SMARCA4: variants seen among roughly 807,000 people sequenced by gnomAD.
The protein encoded by SMARCA4 is SWI/SNF-related matrix-associated actin-dependent regulator of chromatin subfamily A member 4.
Under a neutral mutation model 193.9 loss-of-function variants are expected in SMARCA4, and 31 were observed. The observed-to-expected ratio is 0.16, with a 90% confidence interval of 0.12 to 0.22. The LOEUF (loss-of-function observed/expected upper bound fraction) is 0.22. SMARCA4 is among the 10% of genes least tolerant of loss of function. SMARCA4 has a pLI of 1.00. For missense variants in SMARCA4, 1,148 were observed against 2,296.0 expected (o/e 0.50, Z 10.22); for synonymous variants, 942 against 933.1 (o/e 1.01, Z -0.17).
intron 1 of SMARCA4, among the ~76,000 whole-genome samples, chr19:10,969,609 T>C (rs1334749304): frequency 6.6e-6 from 1 of 151,912 alleles, no homozygotes; most frequent in Non-Finnish European, 1.5e-5. Flanking sequence ...TTTGTATTTT[T>C]AGTAGAGACG....
chr19:11,041,429 C>T lies in SMARCA4; in HGVS notation c.4293C>T (p.Arg1431=), dbSNP rs149670457. Residue 1431 remains arginine (R), a synonymous_variant, in exon 30 of 35, where the codon CGC becomes CGT. Coordinates refer to ENST00000344626, the MANE Select transcript of SMARCA4 (RefSeq NM_003072.5). This position sits in a 1 kb window ranked among gnomAD's most constrained non-coding sequence, Gnocchi z 5.6. ...CCCCGACCACCAGCACCCGCAGCCG[C>T]GACAAGGACGACGAGAGCAAGAAGC... ...SSTPTTSTRS[R]DKDDESKKQK... 540 of 1,612,454 alleles carry T rather than the reference C, an allele frequency of 3.3e-4. 2 individuals carry two copies. Among genetic ancestry groups the T allele is most frequent in the South Asian group, 1.8e-3 (166 of 91,080 alleles).
chr19:11,037,576 C>G (rs571826079), intron 29 of SMARCA4, among the ~76,000 whole-genome samples: 1 of 152,126 alleles, frequency 6.6e-6, no homozygotes, highest in African/African-American at 2.4e-5. Flanking sequence ...ATATTTTGTT[C>G]CATTCTGCAC....
chr19:10,976,098 G>A (rs1241853817), intron 1 of SMARCA4, among the ~76,000 whole-genome samples: 4 of 152,120 alleles, frequency 2.6e-5, no homozygotes, highest in South Asian at 2.1e-4. Flanking sequence ...GACTCTAAGC[G>A]GCACCGTGTA....
In SMARCA4 at chr19:11,033,370, C is replaced by T. The variant is rs564414398; in HGVS notation, c.3627C>T (p.Ser1209=). 4 of 1,613,338 alleles carry T rather than the reference C, an allele frequency of 2.5e-6. No individual in the cohort carries two copies. Among genetic ancestry groups the T allele is most frequent in the Admixed American group, 1.7e-5 (1 of 60,024 alleles). ...VRVLRLCTVN[S]VEEKILAAAK... ...TGCTCCGCCTCTGCACCGTCAACAG[C>T]GTGGAGGAGAAGATCCTAGCTGCAG... The change falls in exon 26 of 35, where the codon AGC becomes AGT. Residue 1209 remains serine, a synonymous_variant. Transcript: ENST00000344626. The surrounding 1 kb of genome is among the most constrained non-coding windows in gnomAD (Gnocchi z 9.8).
At chr19:11,036,329 C>A (rs1277291822) in intron 29 of SMARCA4, among the ~76,000 whole-genome samples, 4 of 152,200 alleles carry the variant, frequency 2.6e-5, no homozygotes, top group African/African-American at 9.7e-5. Context: ...TGCTGTGTTA[C>A]CCAGGCTGGC....
At position 11,034,889 on chromosome 19, in the gene SMARCA4, C is replaced by T. The variant is rs758811728; in HGVS notation, c.3952-25C>T. ...CCCTGGTGCCTGCATGCTGATGCCT[C>T]TCCCGTTGCCTCCCTGCCCACCAGC... On this transcript the variant is annotated intron_variant, in intron 28 of 34. Coordinates refer to ENST00000344626, the MANE Select transcript of SMARCA4 (RefSeq NM_003072.5). The surrounding 1 kb of genome is among the most constrained non-coding windows in gnomAD (Gnocchi z 7.0). The T allele has an allele frequency of 4.1e-5, 62 of 1,510,216 alleles. 1 individual carries two copies. The South Asian group carries it at 6.7e-4, about 16-fold the overall frequency. The allele number at this position is 1,510,216 out of a possible 1,614,324, so 93.6% of individuals were successfully genotyped here.
intron 34 of SMARCA4, chr19:11,060,637 G>C (rs2076811299): frequency 4.4e-6 from 1 of 225,450 alleles, no homozygotes; most frequent in Non-Finnish European, 9.0e-6. Context: ...GTGCAGTGGG[G>C]AGCCGGAGAA....
rs2075606466 is a variant in SMARCA4 at position 11,041,435 on chromosome 19, GGAC to G, written c.4305_4307del (p.Asp1435del). 1 of 1,612,608 alleles carries G rather than the reference GGAC, an allele frequency of 6.2e-7. No homozygotes were observed. Among genetic ancestry groups the G allele is most frequent in the Non-Finnish European group, 8.5e-7 (1 of 1,179,952 alleles). ...CCACCAGCACCCGCAGCCGCGACAA[GGAC>G]GACGAGAGCAAGAAGCAGAAGAAGC... On this transcript the variant is annotated inframe_deletion, in exon 30 of 35. Transcript: ENST00000344626. The surrounding 1 kb of genome is among the most constrained non-coding windows in gnomAD (Gnocchi z 5.6).
rs556408059 is a variant in SMARCA4 at position 10,998,110 on chromosome 19, C to T, written c.1812+1566C>T. On this transcript the variant is annotated intron_variant, in intron 11 of 34. Transcript: ENST00000344626. The stretch of plus-strand genomic sequence containing the variant: ...TCATGTTGCCCAGGCTGGTCTTGAA[C>T]TCCTGGGCTCAAGTGATCCTCCCAC... 1.2e-4 allele frequency among the ~76,000 whole-genome samples: 18 copies of T among 152,086 alleles called. No homozygotes were observed. In the South Asian group the frequency reaches 2.7e-3, roughly 23 times the overall value.
chr19:10,999,869 A>G (rs1555766406), intron 11 of SMARCA4, among the ~76,000 whole-genome samples: 1 of 152,194 alleles, frequency 6.6e-6, no homozygotes, highest in African/African-American at 2.4e-5. Flanking sequence ...GAAGTCTCCT[A>G]GTTAGAGTTC....
chr19:11,044,076 A>G (rs1476157818), intron 30 of SMARCA4, among the ~76,000 whole-genome samples: 2 of 152,178 alleles, frequency 1.3e-5, no homozygotes, highest in African/African-American at 4.8e-5. Context: ...TTGTGAGGGA[A>G]ACTTAACATT....
At chr19:10,977,019 T>C (rs1387854023) in intron 1 of SMARCA4, among the ~76,000 whole-genome samples, 4 of 151,556 alleles carry the variant, frequency 2.6e-5, no homozygotes, top group African/African-American at 9.7e-5. Flanking sequence ...GTCGCACCAC[T>C]GCGCTAAGCC....
At chr19:10,998,315 C>T (rs12460598) in intron 11 of SMARCA4, among the ~76,000 whole-genome samples, 1 of 152,114 alleles carries the variant, frequency 6.6e-6, no homozygotes, top group Non-Finnish European at 1.5e-5. Context: ...GGTGTCATAT[C>T]GAGAGTGCAT....
In SMARCA4 at chr19:11,034,101, C is replaced by G. The variant is rs1428024238; in HGVS notation, c.3874-22C>G. On this transcript the variant is annotated intron_variant, in intron 27 of 34. Transcript: ENST00000344626. This position sits in a 1 kb window ranked among gnomAD's most constrained non-coding sequence, Gnocchi z 7.0. ...CCACCCCGGCCCCTCCTCAGCGGCA[C>G]TGACAGTTTGCAATCTTATAGGAGG... 6.2e-7 allele frequency: 1 copy of G among 1,604,614 alleles called. No individual in the cohort carries two copies. Among genetic ancestry groups the G allele is most frequent in the Non-Finnish European group, 8.5e-7 (1 of 1,172,066 alleles).
rs150983059 is a variant in SMARCA4, at chr19:11,056,567, G to T, written c.4425-1688G>T. Among the ~76,000 whole-genome samples the T allele has an allele frequency of 2.1e-4, 32 of 152,260 alleles. No homozygotes were observed. In the East Asian group the frequency reaches 6.0e-3, roughly 28 times the overall value. ...CCCACCTCAATTTCCTCCTCAGCAC[G>T]GCTGGCCTGGCACTGGTGCCTGCTT... On this transcript the variant is annotated intron_variant, in intron 30 of 34. Coordinates refer to ENST00000344626, the MANE Select transcript of SMARCA4 (RefSeq NM_003072.5).
At chr19:10,979,073 G>T (rs1489950435) in intron 1 of SMARCA4, among the ~76,000 whole-genome samples, 3 of 152,180 alleles carry the variant, frequency 2.0e-5, no homozygotes, top group Non-Finnish European at 4.4e-5. Flanking sequence ...ATTGGACATT[G>T]GCAACATTGT....
At chr19:11,036,136 TGACA>T (rs1394992919) in intron 29 of SMARCA4, among the ~76,000 whole-genome samples, 2 of 152,098 alleles carry the variant, frequency 1.3e-5, no homozygotes, top group African/African-American at 4.8e-5. Context: ...GGAGCCCAGG[TGACA>T]GACAGGCCAT....
intron 1 of SMARCA4, among the ~76,000 whole-genome samples, chr19:10,978,108 C>T (rs1408593963): frequency 2.0e-5 from 3 of 152,212 alleles, no homozygotes; most frequent in East Asian, 1.9e-4. Flanking sequence ...GCTAGATCTT[C>T]CTTCCTTGCC....
At chr19:10,978,381 G>A (rs2085304290) in intron 1 of SMARCA4, among the ~76,000 whole-genome samples, 3 of 152,196 alleles carry the variant, frequency 2.0e-5, no homozygotes, top group South Asian at 2.1e-4. Flanking sequence ...TGCCCAGGCT[G>A]GAGTGCAATG....
Sources: gnomAD v4.1 joint callset for allele counts (sites outside exome capture counted in the v4.1 genomes callset) on GRCh38, gnomAD v4.1.1 for gene constraint, Gnocchi (gnomAD v3.1) non-coding constraint, MANE v1.5 for transcripts, NCBI Gene and HGNC (gene_info 2026-07-23, HGNC 2026-07-21) for gene names.